CADM2: variants seen among roughly 807,000 people sequenced by gnomAD.
CADM2 encodes immunoglobulin superfamily member 4D.
A neutral mutation model predicts 49.8 loss-of-function variants in CADM2; 12 were observed. The ratio of observed to expected loss-of-function variants is 0.24; its 90% CI spans 0.15 to 0.39. The LOEUF (loss-of-function observed/expected upper bound fraction) is 0.39, where lower values mean the gene tolerates loss of function less well. Ranked by LOEUF, CADM2 falls within the 10% of genes least tolerant of loss-of-function variation. CADM2 has a pLI of 1.00. For missense variants in CADM2, 378 were observed against 492.3 expected, an observed-to-expected ratio of 0.77 and a Z score of 2.20; for synonymous variants, 214 against 175.4, an observed-to-expected ratio of 1.22 and a Z score of -1.74.
chr3:85,679,690 G>A (rs542326791), intron 1 of CADM2, among the ~76,000 whole-genome samples: 5 of 152,234 alleles, frequency 3.3e-5, no homozygotes, highest in African/African-American at 7.2e-5. Flanking sequence ...CAGCCTGAGC[G>A]CTGCCATTTG....
intron 1 of CADM2, among the ~76,000 whole-genome samples, chr3:85,232,984 A>G (rs571334895): frequency 4.6e-5 from 7 of 152,326 alleles, no homozygotes; most frequent in African/African-American, 1.7e-4. Context: ...CAAAAATGGG[A>G]AGAAACAAAT....
chr3:85,586,234 T>C (rs1431712109), intron 1 of CADM2, among the ~76,000 whole-genome samples: 1 of 152,084 alleles, frequency 6.6e-6, no homozygotes, highest in Non-Finnish European at 1.5e-5. Context: ...GCTTTCACAA[T>C]GGAGCCTGCT....
intron 8 of CADM2, among the ~76,000 whole-genome samples, chr3:86,055,044 A>G (rs896690994): frequency 2.0e-5 from 3 of 152,208 alleles, no homozygotes; most frequent in Admixed American, 2.0e-4. Flanking sequence ...AGCAATTTAT[A>G]TATATCACAT....
At chr3:85,344,400 TAAATA>T (rs2030335857) in intron 1 of CADM2, among the ~76,000 whole-genome samples, 1 of 148,810 alleles carries the variant, frequency 6.7e-6, no homozygotes, top group South Asian at 2.1e-4. Context: ...AATAAATAAA[TAAATA>T]AATAAATAAA....
intron 8 of CADM2, among the ~76,000 whole-genome samples, chr3:85,964,719 T>C (rs574811380): frequency 4.9e-4 from 74 of 151,830 alleles, no homozygotes; most frequent in African/African-American, 1.7e-3. Context: ...TTAAGAAACA[T>C]TTGCACTGTG....
At chr3:85,872,625 C>T (rs1293806080) in intron 3 of CADM2, among the ~76,000 whole-genome samples, 1 of 150,870 alleles carries the variant, frequency 6.6e-6, no homozygotes, top group Non-Finnish European at 1.5e-5. Context: ...TCTTAAACTG[C>T]CCTTCTCACT....
chr3:85,967,970 T>C (rs183315180), intron 8 of CADM2, among the ~76,000 whole-genome samples: 2 of 151,742 alleles, frequency 1.3e-5, no homozygotes, highest in African/African-American at 2.4e-5. Flanking sequence ...TTCTGTGTAC[T>C]CGTAATGAGC....
intron 1 of CADM2, among the ~76,000 whole-genome samples, chr3:85,653,210 A>G (rs2065106257): frequency 6.6e-6 from 1 of 151,072 alleles, no homozygotes; most frequent in Admixed American, 6.6e-5. Flanking sequence ...CGAGAATATT[A>G]GGATAATTAC....
chr3:85,055,648 T>C (rs1002489620), intron 1 of CADM2, among the ~76,000 whole-genome samples: 3 of 152,086 alleles, frequency 2.0e-5, no homozygotes, highest in Non-Finnish European at 2.9e-5. Flanking sequence ...ACATTTTCCA[T>C]TGCAGATACC....
At chr3:85,440,407 A>G (rs2037146006) in intron 1 of CADM2, among the ~76,000 whole-genome samples, 2 of 152,144 alleles carry the variant, frequency 1.3e-5, no homozygotes. Flanking sequence ...CTCTCTTATG[A>G]ACTCTTTTAT....
chr3:85,603,857 T>A (rs1472608495), intron 1 of CADM2, among the ~76,000 whole-genome samples: 2 of 151,994 alleles, frequency 1.3e-5, no homozygotes, highest in Admixed American at 1.3e-4. Flanking sequence ...TACTAACCTG[T>A]TTTGCTAACT....
chr3:85,262,323 C>CAGCTGTCT (rs2043030375), intron 1 of CADM2, among the ~76,000 whole-genome samples: 1 of 151,706 alleles, frequency 6.6e-6, no homozygotes, highest in Non-Finnish European at 1.5e-5. Flanking sequence ...TTTTGGCATC[C>CAGCTGTCT]AGCTGTCTAG....
chr3:85,160,354 G>A (rs918704809), intron 1 of CADM2, among the ~76,000 whole-genome samples: 3 of 151,904 alleles, frequency 2.0e-5, no homozygotes, highest in Non-Finnish European at 2.9e-5. Context: ...TACATATAAA[G>A]TAAGGATCAA....
chr3:85,924,717 A>C (rs191615669), intron 6 of CADM2, among the ~76,000 whole-genome samples: 105 of 152,314 alleles, frequency 6.9e-4, no homozygotes, highest in Non-Finnish European at 1.2e-3. Context: ...TTGTGGCCCA[A>C]CTTTATGATA....
At chr3:85,912,842 A>T (rs897417076) in intron 6 of CADM2, among the ~76,000 whole-genome samples, 6 of 152,154 alleles carry the variant, frequency 3.9e-5, no homozygotes, top group Non-Finnish European at 8.8e-5. Context: ...TAGTAATTTG[A>T]GCAAAATCAC....
chr3:85,785,842 G>A (rs1559655854), intron 2 of CADM2, among the ~76,000 whole-genome samples: 1 of 152,048 alleles, frequency 6.6e-6, no homozygotes, highest in East Asian at 1.9e-4. Context: ...AATCAATACT[G>A]ATAATTTATT....
At chr3:85,152,421 G>A (rs947302588) in intron 1 of CADM2, among the ~76,000 whole-genome samples, 7 of 152,052 alleles carry the variant, frequency 4.6e-5, no homozygotes, top group Admixed American at 2.0e-4. Context: ...TTACTGTGTC[G>A]GTGCTGACTG....
intron 1 of CADM2, among the ~76,000 whole-genome samples, chr3:85,261,368 T>C (rs1024990238): frequency 6.6e-6 from 1 of 152,094 alleles, no homozygotes; most frequent in Non-Finnish European, 1.5e-5. Flanking sequence ...ACTCCTGACC[T>C]AGTGATCCAC....
intron 6 of CADM2, among the ~76,000 whole-genome samples, chr3:85,924,760 C>T (rs1047680038): frequency 2.0e-5 from 3 of 152,112 alleles, no homozygotes; most frequent in Non-Finnish European, 4.4e-5. Context: ...CTCCTAGATA[C>T]ACTCAGTTTT....
Sources: gnomAD v4.1 joint callset for allele counts (sites outside exome capture counted in the v4.1 genomes callset) on GRCh38, gnomAD v4.1.1 for gene constraint, MANE v1.5 for transcripts, NCBI Gene and HGNC (gene_info 2026-07-23, HGNC 2026-07-21) for gene names.